The following TSHZ3 variants were observed in gnomAD, a reference collection of about 807,000 sequenced individuals.
TSHZ3 encodes the protein teashirt zinc finger homeobox 3, also known as teashirt homolog 3.
A neutral mutation model predicts 64.5 loss-of-function variants in TSHZ3; 10 were observed. The ratio of observed to expected loss-of-function variants is 0.16; its 90% CI spans 0.10 to 0.26. TSHZ3 has a LOEUF of 0.26. TSHZ3 is among the 10% of genes least tolerant of loss of function. The pLI, the probability that TSHZ3 is intolerant of heterozygous loss-of-function variation, is 1.00. For synonymous variants in TSHZ3, 608 were observed against 593.1 expected (o/e 1.03, Z -0.36); for missense variants, 1,242 against 1,421.7 (o/e 0.87, Z 2.03).
chr19:31,183,661 G>T (rs1289532099), intron 5 of TSHZ3, among the ~76,000 whole-genome samples: 1 of 152,124 alleles, frequency 6.6e-6, no homozygotes, highest in Non-Finnish European at 1.5e-5. Context: ...TGATCCATGG[G>T]TTGCAATATG....
intron 1 of TSHZ3, among the ~76,000 whole-genome samples, chr19:31,244,145 G>C (rs1370240337): frequency 6.6e-6 from 1 of 152,168 alleles, no homozygotes; most frequent in Non-Finnish European, 1.5e-5. Context: ...TCTGCACCCA[G>C]ATCTCATGTC....
At chr19:31,203,225 G>A (rs1371229682) in intron 5 of TSHZ3, among the ~76,000 whole-genome samples, 1 of 152,120 alleles carries the variant, frequency 6.6e-6, no homozygotes, top group Non-Finnish European at 1.5e-5. Flanking sequence ...GAAACACCAT[G>A]TATGAATGCC....
At chr19:31,168,012 A>C (rs956932971) in intron 5 of TSHZ3, among the ~76,000 whole-genome samples, 6 of 152,226 alleles carry the variant, frequency 3.9e-5, no homozygotes, top group Non-Finnish European at 8.8e-5. Flanking sequence ...ATCTGCCTGT[A>C]AAAGAGGAGA....
intron 5 of TSHZ3, among the ~76,000 whole-genome samples, chr19:31,162,371 T>C (rs896967481): frequency 6.6e-6 from 1 of 152,186 alleles, no homozygotes; most frequent in African/African-American, 2.4e-5. Context: ...GTTGCTATTA[T>C]CGGGCTGTCA....
At chr19:31,235,922 G>C (rs1975608169) in intron 3 of TSHZ3, among the ~76,000 whole-genome samples, 1 of 151,676 alleles carries the variant, frequency 6.6e-6, no homozygotes. Flanking sequence ...CACCATGTTG[G>C]CCAGGCTGGT....
downstream of TSHZ3, among the ~76,000 whole-genome samples, chr19:31,271,501 A>G (rs142279560): frequency 2.9e-3 from 438 of 152,346 alleles, 1 homozygote; most frequent in African/African-American, 9.9e-3. Context: ...GGTCGGTTCT[A>G]TCACAGAGGA....
chr19:31,186,959 G>A (rs538780165), intron 5 of TSHZ3, among the ~76,000 whole-genome samples: 57 of 150,962 alleles, frequency 3.8e-4, no homozygotes, highest in African/African-American at 1.4e-3. Context: ...TTTTCCAAAT[G>A]TGTATATTAC....
intron 1 of TSHZ3, among the ~76,000 whole-genome samples, chr19:31,281,526 C>A (rs1311477242): frequency 6.6e-6 from 1 of 152,144 alleles, no homozygotes; most frequent in African/African-American, 2.4e-5. Context: ...TTACAAATGA[C>A]CAGAAGAGAG....
intron 4 of TSHZ3, among the ~76,000 whole-genome samples, chr19:31,214,784 T>C (rs954484416): frequency 6.6e-6 from 1 of 151,716 alleles, no homozygotes; most frequent in African/African-American, 2.4e-5. Context: ...GGCGGGCGCC[T>C]GTAGTCCCAG....
At chr19:31,170,045 G>A (rs1974514921) in intron 5 of TSHZ3, among the ~76,000 whole-genome samples, 1 of 152,210 alleles carries the variant, frequency 6.6e-6, no homozygotes, top group South Asian at 2.1e-4. Flanking sequence ...TAGCATGAAT[G>A]TTTTGAAAGC....
chr19:31,263,399 C>T (rs1290641925), intron 1 of TSHZ3, among the ~76,000 whole-genome samples: 3 of 152,178 alleles, frequency 2.0e-5, no homozygotes, highest in African/African-American at 2.4e-5. Flanking sequence ...ACAGCAGCCC[C>T]TCTCCTCTTG....
At chr19:31,157,495 G>T (rs938684872) in intron 5 of TSHZ3, among the ~76,000 whole-genome samples, 7 of 152,178 alleles carry the variant, frequency 4.6e-5, no homozygotes, top group African/African-American at 1.4e-4. Context: ...ATGCCTGGAA[G>T]TAGTTACAAT....
chr19:31,232,172 G>A (rs1975549630), intron 3 of TSHZ3, among the ~76,000 whole-genome samples: 1 of 152,136 alleles, frequency 6.6e-6, no homozygotes, highest in African/African-American at 2.4e-5. Flanking sequence ...CTCCAAGAAT[G>A]TGGTGGGTTC....
At chr19:31,163,141 G>T (rs1211914389) in intron 5 of TSHZ3, among the ~76,000 whole-genome samples, 1 of 152,180 alleles carries the variant, frequency 6.6e-6, no homozygotes, top group African/African-American at 2.4e-5. Context: ...CTTACAGAAA[G>T]GATAAGCTTT....
At chr19:31,307,013 C>T (rs1199927669) in intron 1 of TSHZ3, among the ~76,000 whole-genome samples, 1 of 151,618 alleles carries the variant, frequency 6.6e-6, no homozygotes, top group Admixed American at 6.6e-5. Flanking sequence ...CTTTGTATTC[C>T]ACCTCATTCC....
chr19:31,276,481 G>T lies in TSHZ3; in HGVS notation c.*66C>A. On this transcript the variant is annotated 3_prime_UTR_variant, in exon 2 of 2. Transcript: ENST00000240587. ...GTGCCAAGAACAACAAGTCAGAGGG[G>T]GCCTGAAGGTGCCTTCCACAGTTTC... 1 of 1,412,694 alleles carries T rather than the reference G, an allele frequency of 7.1e-7. No individual in the cohort carries two copies. Among genetic ancestry groups the T allele is most frequent in the Non-Finnish European group, 9.6e-7 (1 of 1,040,214 alleles). The allele number at this position is 1,412,694 out of a possible 1,614,324, so 87.5% of individuals were successfully genotyped here. A position where few individuals can be genotyped will look rare whatever the true frequency, so the allele number is the denominator to read the frequency against.
intron 1 of TSHZ3, among the ~76,000 whole-genome samples, chr19:31,347,588 T>C (rs1288395401): frequency 6.6e-6 from 1 of 152,150 alleles, no homozygotes; most frequent in African/African-American, 2.4e-5. Context: ...GAATTTAAAG[T>C]AGAAGGTGGG....
intron 1 of TSHZ3, among the ~76,000 whole-genome samples, chr19:31,246,906 G>GCCAATTTGCAAGAGACTCCC (rs1466296011): frequency 2.6e-5 from 4 of 152,050 alleles, no homozygotes; most frequent in Non-Finnish European, 5.9e-5. Flanking sequence ...AAAGGACAAA[G>GCCAATTTGCAAGAGACTCCC]AAGCCAATTT....
intron 1 of TSHZ3, among the ~76,000 whole-genome samples, chr19:31,290,055 G>C (rs1423213480): frequency 6.6e-6 from 1 of 152,124 alleles, no homozygotes; most frequent in Non-Finnish European, 1.5e-5. Flanking sequence ...GAAGCAAGGG[G>C]ATCCCCTTCT....
Sources: gnomAD v4.1 joint callset for allele counts (sites outside exome capture counted in the v4.1 genomes callset) on GRCh38, gnomAD v4.1.1 for gene constraint, MANE v1.5 for transcripts, NCBI Gene and HGNC (gene_info 2026-07-23, HGNC 2026-07-21) for gene names.